NRXN3: variants seen among roughly 807,000 people sequenced by gnomAD.
NRXN3 encodes the protein neurexin III.
In NRXN3, 32 loss-of-function variants were observed where a neutral mutation model predicts 137.6. That is an observed-to-expected ratio of 0.23 (90% CI 0.18 to 0.31). The LOEUF is 0.31. Among genes scored for constraint, NRXN3 ranks in the 10% least tolerant of loss-of-function variants. The probability of loss-of-function intolerance (pLI) is 1.00; values close to 1 mark genes in which losing one functional copy is unlikely to be tolerated. For missense variants in NRXN3, 1,574 were observed against 2,062.5 expected (o/e 0.76, Z 4.59); for synonymous variants, 798 against 784.5 (o/e 1.02, Z -0.29).
intron 16 of NRXN3, among the ~76,000 whole-genome samples, chr14:79,598,613 T>G (rs1303702621): frequency 6.6e-6 from 1 of 152,218 alleles, no homozygotes; most frequent in Non-Finnish European, 1.5e-5. Context: ...TATGAAACAG[T>G]CTATACTTTG....
intron 10 of NRXN3, among the ~76,000 whole-genome samples, chr14:78,896,548 G>T (rs570670993): frequency 4.6e-5 from 7 of 151,796 alleles, no homozygotes; most frequent in African/African-American, 1.7e-4. Flanking sequence ...ATGGAGATCT[G>T]ATTACTAGCT....
chr14:79,114,839 T>G (rs866079516), intron 15 of NRXN3, among the ~76,000 whole-genome samples: 11 of 152,066 alleles, frequency 7.2e-5, no homozygotes, highest in Non-Finnish European at 7.4e-5. Flanking sequence ...AGAATGGCCT[T>G]TTTATCTTCT....
At position 79,697,766 on chromosome 14, in the gene NRXN3, C is replaced by T. The variant is rs2098740701; in HGVS notation, c.3843C>T (p.Asn1281=). Residue 1281 remains asparagine, a synonymous_variant, in exon 19 of 21, where the codon AAC becomes AAT. Coordinates refer to ENST00000335750, the MANE Select transcript of NRXN3 (RefSeq NM_001330195.2). ...LKVLNMAAEN[N]PNIKINGSVR... ...TACTGAACATGGCGGCTGAGAACAA[C>T]CCCAATATTAAAATCAATGGAAGTG... 6.2e-7 allele frequency: 1 copy of T among 1,613,080 alleles called. No homozygotes were observed. Among genetic ancestry groups the T allele is most frequent in the African/African-American group, 1.3e-5 (1 of 74,898 alleles).
rs562728871 is a variant in NRXN3, at chr14:79,541,239, C to T, written c.3444+73837C>T. On this transcript the variant is annotated intron_variant, in intron 16 of 20. Coordinates refer to ENST00000335750, the MANE Select transcript of NRXN3 (RefSeq NM_001330195.2). Reference sequence around the variant, plus strand: ...CCACTGTGGTGAAACCCTGTCTCTACTAAAAATACAAAAATTAGCCGGGTG... The same window carrying T: ...CCACTGTGGTGAAACCCTGTCTCTATTAAAAATACAAAAATTAGCCGGGTG... 9.9e-5 allele frequency among the ~76,000 whole-genome samples: 15 copies of T among 152,266 alleles called. No individual in the cohort carries two copies. The South Asian group carries it at 2.7e-3, about 27-fold the overall frequency.
intron 15 of NRXN3, chr14:79,313,998 G>A (rs2087685800): frequency 1.3e-5 from 2 of 151,194 alleles, no homozygotes; most frequent in African/African-American, 4.9e-5. Flanking sequence ...TTCCTTTGGA[G>A]GAGGAGAGGC....
chr14:79,319,272 A>G (rs532891095), intron 15 of NRXN3, among the ~76,000 whole-genome samples: 1 of 152,180 alleles, frequency 6.6e-6, no homozygotes, highest in Non-Finnish European at 1.5e-5. Flanking sequence ...GAAAATTCTG[A>G]CTGATCATTT....
chr14:78,943,187 A>T (rs1597689763), intron 10 of NRXN3, among the ~76,000 whole-genome samples: 1 of 152,048 alleles, frequency 6.6e-6, no homozygotes, highest in African/African-American at 2.4e-5. Context: ...CAGGGAGGGG[A>T]GGTTGCTCAT....
intron 15 of NRXN3, among the ~76,000 whole-genome samples, chr14:78,990,586 T>A (rs2099516844): frequency 6.6e-6 from 1 of 152,054 alleles, no homozygotes; most frequent in Admixed American, 6.6e-5. Context: ...TTGGCCAGGC[T>A]GGTCTTGAAC....
intron 10 of NRXN3, among the ~76,000 whole-genome samples, chr14:78,842,966 C>A (rs889598931): frequency 2.6e-5 from 4 of 152,114 alleles, no homozygotes; most frequent in African/African-American, 9.7e-5. Context: ...TGTTCAAACA[C>A]ACATGCTCTA....
intron 6 of NRXN3, among the ~76,000 whole-genome samples, chr14:78,681,242 T>A (rs775565846): frequency 1.3e-5 from 2 of 152,190 alleles, no homozygotes; most frequent in Non-Finnish European, 2.9e-5. Flanking sequence ...ATCTGTCAGT[T>A]CTTAATGCAA....
rs149488333 is a variant in NRXN3 at position 79,589,968 on chromosome 14, A to G, written c.3445-73810A>G. ...CACACGATATGTGGCTGGCAGAAAC[A>G]TGAGTAATAGCTTTTATTCACCAAA... On this transcript the variant is annotated intron_variant, in intron 16 of 20. Transcript: ENST00000335750. 2.6e-5 allele frequency among the ~76,000 whole-genome samples: 4 copies of G among 152,352 alleles called. No homozygotes were observed. In the East Asian group the frequency reaches 7.7e-4, roughly 29 times the overall value.
intron 2 of NRXN3, chr14:78,250,070 T>C (rs1282545210): frequency 3.9e-6 from 2 of 516,288 alleles, no homozygotes; most frequent in Non-Finnish European, 7.7e-6. Flanking sequence ...ACTCTTGACA[T>C]GCGATTATGA....
intron 14 of NRXN3, among the ~76,000 whole-genome samples, chr14:78,974,847 G>A (rs2099458569): frequency 6.6e-6 from 1 of 152,130 alleles, no homozygotes; most frequent in African/African-American, 2.4e-5. Context: ...GAAGTATGAA[G>A]GGTAGTGAAG....
At chr14:79,095,320 C>G (rs1229506076) in intron 15 of NRXN3, among the ~76,000 whole-genome samples, 1 of 152,032 alleles carries the variant, frequency 6.6e-6, no homozygotes, top group African/African-American at 2.4e-5. Flanking sequence ...CTTTCTTTCC[C>G]TCATGTTCTA....
chr14:79,346,763 C>T (rs1566867818), intron 15 of NRXN3, among the ~76,000 whole-genome samples: 1 of 152,128 alleles, frequency 6.6e-6, no homozygotes, highest in African/African-American at 2.4e-5. Flanking sequence ...ACTTACATCT[C>T]GCCTCAGTGA....
Position 78,242,829 on chromosome 14 carries a change from T to G in NRXN3, c.-265T>G. On this transcript the variant is annotated 5_prime_UTR_variant, in exon 2 of 21. Coordinates refer to ENST00000335750, the MANE Select transcript of NRXN3 (RefSeq NM_001330195.2). ...TACTCCAGTCCCTCACTTCCCCACC[T>G]GATTTTCCTCCTCTTCTGCTGGTCC... 2.2e-6 allele frequency: 1 copy of G among 458,516 alleles called. No individual in the cohort carries two copies. Among genetic ancestry groups the G allele is most frequent in the Non-Finnish European group, 3.8e-6 (1 of 261,944 alleles). The allele number at this position is 458,516 out of a possible 1,614,324, so 28.4% of individuals were successfully genotyped here. A position where few individuals can be genotyped will look rare whatever the true frequency, so the allele number is the denominator to read the frequency against.
At chr14:79,456,713 G>A (rs1401205301) in intron 15 of NRXN3, among the ~76,000 whole-genome samples, 3 of 151,814 alleles carry the variant, frequency 2.0e-5, no homozygotes, top group African/African-American at 7.3e-5. Context: ...GTGACAGAGC[G>A]AGACTCTGTC....
intron 15 of NRXN3, among the ~76,000 whole-genome samples, chr14:79,352,923 A>G (rs374878295): frequency 6.6e-5 from 10 of 152,256 alleles, no homozygotes; most frequent in Middle Eastern, 3.4e-3. Context: ...TGAAATCAAA[A>G]TGTTTATTCA....
In NRXN3 at chr14:79,067,456, G is replaced by A. The variant is rs142447679; in HGVS notation, c.3262+79315G>A. Among the ~76,000 whole-genome samples, 364 of 152,186 alleles carry A rather than the reference G, an allele frequency of 2.4e-3. 3 individuals carry two copies. Among genetic ancestry groups the A allele is most frequent in the Middle Eastern group, 0.014 (4 of 294 alleles). On this transcript the variant is annotated intron_variant, in intron 15 of 20. Coordinates refer to ENST00000335750, the MANE Select transcript of NRXN3 (RefSeq NM_001330195.2). ...TTTGTTGTGTCTCTGCCAGGTTTTGGTATCTGGATGATGCTGGCCTCATAG... is the reference window on the plus strand; with the variant it reads ...TTTGTTGTGTCTCTGCCAGGTTTTGATATCTGGATGATGCTGGCCTCATAG...
Sources: allele counts gnomAD v4.1 joint callset (sites outside exome capture counted in the v4.1 genomes callset), GRCh38; gene constraint gnomAD v4.1.1; transcripts MANE v1.5; gene names NCBI Gene and HGNC (gene_info 2026-07-23, HGNC 2026-07-21).